Variants in CAMK1D observed in about 807,000 individuals in gnomAD.
CAMK1D encodes the protein calcium/calmodulin-dependent protein kinase type 1D.
Under a neutral mutation model 47.7 loss-of-function variants are expected in CAMK1D, and 9 were observed. The observed-to-expected ratio is 0.19, with a 90% CI of 0.11 to 0.33. The LOEUF (loss-of-function observed/expected upper bound fraction) is 0.33. Ranked by LOEUF, CAMK1D falls within the 10% of genes least tolerant of loss-of-function variation. CAMK1D has a pLI of 1.00. For synonymous variants in CAMK1D, 184 were observed against 184.9 expected, an observed-to-expected ratio of 0.99 and a Z score of 0.04; for missense variants, 291 against 488.7, an observed-to-expected ratio of 0.60 and a Z score of 3.81.
At chr10:12,802,225 G>A (rs1374346726) in intron 6 of CAMK1D, among the ~76,000 whole-genome samples, 2 of 152,128 alleles carry the variant, frequency 1.3e-5, no homozygotes, top group East Asian at 1.9e-4. Flanking sequence ...CCCCATCAGC[G>A]AGGCACTCCT....
At chr10:12,574,740 G>T (rs1345875978) in intron 2 of CAMK1D, among the ~76,000 whole-genome samples, 1 of 152,082 alleles carries the variant, frequency 6.6e-6, no homozygotes, top group Admixed American at 6.6e-5. Context: ...TTGGTTCATG[G>T]TTCTGCAGGC....
At chr10:12,357,077 C>CTA (rs780681336) in intron 1 of CAMK1D, among the ~76,000 whole-genome samples, 2 of 152,170 alleles carry the variant, frequency 1.3e-5, no homozygotes, top group Non-Finnish European at 2.9e-5. Flanking sequence ...CCTCCTCTCT[C>CTA]CTCTGGGAGG....
chr10:12,747,028 T>TTTGG (rs1267586150), intron 3 of CAMK1D, among the ~76,000 whole-genome samples: 1 of 142,006 alleles, frequency 7.0e-6, no homozygotes, highest in African/African-American at 2.8e-5. Context: ...TTTAATTCTT[T>TTTGG]TTGTTTGTTT....
intron 1 of CAMK1D, among the ~76,000 whole-genome samples, chr10:12,499,986 C>T (rs1392979244): frequency 6.6e-6 from 1 of 152,184 alleles, no homozygotes. Context: ...GCTGTCTGGA[C>T]CACATTTGGT....
rs138839183 is a variant in CAMK1D, at chr10:12,416,682, C to T, written c.92+66772C>T. Among the ~76,000 whole-genome samples, 426 of 152,310 alleles carry T rather than the reference C, an allele frequency of 2.8e-3. 2 individuals carry two copies. The highest frequency in any genetic ancestry group is 4.9e-3 in the Non-Finnish European group (331 of 68,038). On this transcript the variant is annotated intron_variant, in intron 1 of 10. Coordinates refer to ENST00000619168, the MANE Select transcript of CAMK1D (RefSeq NM_153498.4). The stretch of plus-strand genomic sequence containing the variant: ...CTTGCTGAGCACCGGAGGGAGGGCT[C>T]TGACTAGCACTGGGCGGTGGAGAGA...
At chr10:12,692,588 C>T (rs1832970252) in intron 3 of CAMK1D, among the ~76,000 whole-genome samples, 1 of 152,060 alleles carries the variant, frequency 6.6e-6, no homozygotes, top group Non-Finnish European at 1.5e-5. Flanking sequence ...ATGTTGGTAA[C>T]CTTGACTTCA....
At chr10:12,613,035 T>C (rs17495050) in intron 2 of CAMK1D, among the ~76,000 whole-genome samples, 13,676 of 152,172 alleles carry the variant, frequency 0.09, 768 homozygotes, top group Middle Eastern at 0.13. Context: ...CCCTCGATCA[T>C]TGGCAGGAAT....
At chr10:12,736,350 C>T (rs988599526) in intron 3 of CAMK1D, among the ~76,000 whole-genome samples, 1 of 152,136 alleles carries the variant, frequency 6.6e-6, no homozygotes, top group Admixed American at 6.5e-5. Context: ...TAGCCTTGCC[C>T]CAGAGGCTCA....
In CAMK1D at chr10:12,520,095, G is replaced by A. The variant is rs1207095951; in HGVS notation, c.93-33130G>A. On this transcript the variant is annotated intron_variant, in intron 1 of 10. Transcript: ENST00000619168. ...ACCCCCCCCCACCTCCCTCCCGGAC[G>A]GGGTGGCTGCCGGGCGGAGAGGCTC... is the stretch of plus-strand genomic sequence containing the variant. 2.4e-5 allele frequency among the ~76,000 whole-genome samples: 2 copies of A among 83,814 alleles called. 1 individual carries two copies. Among genetic ancestry groups the A allele is most frequent in the African/African-American group, 9.4e-5 (2 of 21,270 alleles). 55.0% of individuals were successfully genotyped at this position (83,814 alleles called of 152,430 possible).
intron 2 of CAMK1D, among the ~76,000 whole-genome samples, chr10:12,560,954 C>G (rs1487293756): frequency 6.6e-6 from 1 of 151,514 alleles, no homozygotes; most frequent in Non-Finnish European, 1.5e-5. Flanking sequence ...CGCTCTGTCA[C>G]CCAGGCTGGA....
At chr10:12,464,676 G>C (rs1241918769) in intron 1 of CAMK1D, among the ~76,000 whole-genome samples, 2 of 152,114 alleles carry the variant, frequency 1.3e-5, no homozygotes, top group Non-Finnish European at 2.9e-5. Context: ...TTAGCCGGGT[G>C]TGGTGGCGGG....
At chr10:12,423,109 A>G (rs564468105) in intron 1 of CAMK1D, among the ~76,000 whole-genome samples, 1 of 152,330 alleles carries the variant, frequency 6.6e-6, no homozygotes, top group Admixed American at 6.5e-5. Context: ...AAAGGAGGGA[A>G]GAAGGGATGT....
intron 3 of CAMK1D, among the ~76,000 whole-genome samples, chr10:12,678,878 T>G (rs1248558141): frequency 1.3e-5 from 2 of 152,144 alleles, no homozygotes; most frequent in East Asian, 3.8e-4. Context: ...TTCTCCTGCC[T>G]CAGACTCTCG....
chr10:12,794,002 G>T (rs539635351), intron 6 of CAMK1D, among the ~76,000 whole-genome samples: 1 of 152,204 alleles, frequency 6.6e-6, no homozygotes, highest in East Asian at 1.9e-4. Context: ...GCAGTAGGGA[G>T]GGTTTTGAAC....
At chr10:12,552,496 C>A (rs903171433) in intron 1 of CAMK1D, among the ~76,000 whole-genome samples, 1 of 152,186 alleles carries the variant, frequency 6.6e-6, no homozygotes, top group South Asian at 2.1e-4. Flanking sequence ...CCTGTGAGGA[C>A]CTGGGGATTT....
chr10:12,621,716 C>T (rs1839003152), intron 2 of CAMK1D, among the ~76,000 whole-genome samples: 1 of 152,160 alleles, frequency 6.6e-6, no homozygotes, highest in Non-Finnish European at 1.5e-5. Flanking sequence ...TCCGTATGTT[C>T]ATTGCTAGCA....
chr10:12,448,176 T>G (rs1424849520), intron 1 of CAMK1D, among the ~76,000 whole-genome samples: 2 of 151,436 alleles, frequency 1.3e-5, no homozygotes, highest in African/African-American at 2.4e-5. Flanking sequence ...TTTTACTTTT[T>G]GTATTTTTAT....
At chr10:12,821,619 G>C (rs957198665) in intron 8 of CAMK1D, among the ~76,000 whole-genome samples, 2 of 152,228 alleles carry the variant, frequency 1.3e-5, no homozygotes, top group African/African-American at 4.8e-5. Context: ...GGTGGATAGT[G>C]AGACAGGCTG....
chr10:12,656,723 T>C (rs1488426778), intron 2 of CAMK1D, among the ~76,000 whole-genome samples: 5 of 152,222 alleles, frequency 3.3e-5, no homozygotes. Flanking sequence ...AGCTCCATCT[T>C]CTGGCAGCAA....
Sources: gnomAD v4.1 joint callset for allele counts (sites outside exome capture counted in the v4.1 genomes callset) on GRCh38, gnomAD v4.1.1 for gene constraint, MANE v1.5 for transcripts, NCBI Gene and HGNC (gene_info 2026-07-23, HGNC 2026-07-21) for gene names.